Variants in CATSPERT observed in about 807,000 individuals in gnomAD.
The protein encoded by CATSPERT is cation channel sperm-associated targeting subunit tau.
the CATSPERT span, among the ~76,000 whole-genome samples, chr2:201,612,924 G>A: frequency 6.6e-6 from 1 of 152,202 alleles, no homozygotes; most frequent in African/African-American, 2.4e-5. Flanking sequence ...GGCTTGGAAG[G>A]TCCCACGCCC....
At chr2:201,557,043 A>C in the CATSPERT span, 1 of 152,136 alleles carries the variant, frequency 6.6e-6, no homozygotes, top group Non-Finnish European at 1.5e-5. Context: ...TCCAGCTCTA[A>C]TATACATTTA....
the CATSPERT span, chr2:201,603,186 T>C: frequency 1.3e-6 from 2 of 1,578,514 alleles, no homozygotes; most frequent in African/African-American, 1.4e-5. Flanking sequence ...AACAGTGAGA[T>C]ATAATTACTA....
the CATSPERT span, chr2:201,582,094 C>A: frequency 8.8e-6 from 14 of 1,599,556 alleles, no homozygotes; most frequent in African/African-American, 1.4e-5. Flanking sequence ...TTTATACATA[C>A]CTGAATTACC....
At chr2:201,491,982 A>T in the CATSPERT span, 1 of 1,537,056 alleles carries the variant, frequency 6.5e-7, no homozygotes, top group Non-Finnish European at 8.7e-7. Context: ...TTTCATTGGA[A>T]GAAGGTTGTA....
the CATSPERT span, chr2:201,491,566 A>C: frequency 6.5e-7 from 1 of 1,536,954 alleles, no homozygotes; most frequent in Non-Finnish European, 8.7e-7. Context: ...CTGGTCTTCT[A>C]ATTTTGATTT....
the CATSPERT span, among the ~76,000 whole-genome samples, chr2:201,562,688 G>T: frequency 6.2e-5 from 9 of 144,538 alleles, no homozygotes; most frequent in East Asian, 1.9e-3. Flanking sequence ...GTGTCCCTGG[G>T]TACTTGAGAT....
the CATSPERT span, among the ~76,000 whole-genome samples, chr2:201,513,108 TA>T: frequency 6.8e-6 from 1 of 146,410 alleles, no homozygotes; most frequent in African/African-American, 2.5e-5. Flanking sequence ...AAAAGAAAAA[TA>T]AAAAAATAAA....
At chr2:201,488,018 C>CTGAGGTGTTTTT in the CATSPERT span, 1 of 818,550 alleles carries the variant, frequency 1.2e-6, no homozygotes, top group Non-Finnish European at 1.9e-6. Context: ...CAAACAAGGA[C>CTGAGGTGTTTTT]TAAAGTTTAT....
At chr2:201,508,498 T>C in the CATSPERT span, among the ~76,000 whole-genome samples, 1 of 152,254 alleles carries the variant, frequency 6.6e-6, no homozygotes, top group Admixed American at 6.5e-5. Context: ...TTTTACAATG[T>C]TAACCATTTT....
the CATSPERT span, among the ~76,000 whole-genome samples, chr2:201,536,507 C>G: frequency 6.6e-6 from 1 of 151,852 alleles, no homozygotes; most frequent in Non-Finnish European, 1.5e-5. Context: ...AAACCATGGA[C>G]TGTAGAATAC....
At chr2:201,529,232 G>C in the CATSPERT span, among the ~76,000 whole-genome samples, 1 of 151,968 alleles carries the variant, frequency 6.6e-6, no homozygotes, top group African/African-American at 2.4e-5. Context: ...ATTTTTCACA[G>C]AAATAGAAAA....
the CATSPERT span, among the ~76,000 whole-genome samples, chr2:201,612,404 T>C: frequency 1.3e-5 from 2 of 151,616 alleles, no homozygotes; most frequent in South Asian, 4.2e-4. Context: ...CAAAACCCCA[T>C]CTCTACTAAA....
the CATSPERT span, among the ~76,000 whole-genome samples, chr2:201,574,743 A>C: frequency 6.6e-6 from 1 of 152,292 alleles, no homozygotes; most frequent in Non-Finnish European, 1.5e-5. Flanking sequence ...GAGAGGTAAT[A>C]AAGTCAAGTG....
chr2:201,608,935 A>T, the CATSPERT span, among the ~76,000 whole-genome samples: 1 of 152,120 alleles, frequency 6.6e-6, no homozygotes, highest in Admixed American at 6.5e-5. Flanking sequence ...GCTGCCTATA[A>T]GAAACTCATC....
At chr2:201,598,064 C>T in the CATSPERT span, among the ~76,000 whole-genome samples, 3 of 152,116 alleles carry the variant, frequency 2.0e-5, no homozygotes, top group Non-Finnish European at 1.5e-5. Flanking sequence ...TTACTCCCGC[C>T]TGTATTAATC....
the CATSPERT span, among the ~76,000 whole-genome samples, chr2:201,595,278 T>C: frequency 1.3e-5 from 2 of 148,926 alleles, no homozygotes; most frequent in East Asian, 4.0e-4. Context: ...AAGCTCCGCC[T>C]CCCGGGTTCA....
the CATSPERT span, among the ~76,000 whole-genome samples, chr2:201,522,968 G>A: frequency 2.5e-4 from 38 of 152,244 alleles, no homozygotes; most frequent in African/African-American, 8.2e-4. Flanking sequence ...ATGCCCAACC[G>A]GGGTGTTTCC....
chr2:201,557,122 T>C, the CATSPERT span: 1 of 152,188 alleles, frequency 6.6e-6, no homozygotes, highest in Non-Finnish European at 1.5e-5. Context: ...AGTTACATTA[T>C]TTCTCAATAA....
chr2:201,583,224 A>C, the CATSPERT span, among the ~76,000 whole-genome samples: 1 of 152,140 alleles, frequency 6.6e-6, no homozygotes, highest in Non-Finnish European at 1.5e-5. Flanking sequence ...TGGTCTTGAA[A>C]GGCAAAGAAC....
Sources: gnomAD v4.1 joint callset for allele counts (sites outside exome capture counted in the v4.1 genomes callset) on GRCh38, gnomAD v4.1.1 for gene constraint, MANE v1.5 for transcripts, NCBI Gene and HGNC (gene_info 2026-07-23, HGNC 2026-07-21) for gene names.